Variants in FBXL13 observed in about 807,000 individuals in gnomAD.
FBXL13 encodes the protein F-box and leucine rich repeat protein 13, also known as F-box and leucine-rich repeat protein 13.
FBXL13 carries 67 observed loss-of-function variants against 83.6 expected under a neutral mutation model. The ratio of observed to expected loss-of-function variants is 0.80; its 90% CI spans 0.66 to 0.98. FBXL13 has a LOEUF of 0.98. Ranked by LOEUF, FBXL13 falls within the 50% of genes least tolerant of loss-of-function variation. The probability of loss-of-function intolerance (pLI) is 0.00; values close to 1 mark genes in which losing one functional copy is unlikely to be tolerated. For synonymous variants in FBXL13, 272 were observed against 299.5 expected (o/e 0.91, Z 0.95); for missense variants, 822 against 866.5 (o/e 0.95, Z 0.64).
chr7:102,842,480 A>G (rs1007431650), intron 17 of FBXL13, among the ~76,000 whole-genome samples: 1 of 152,262 alleles, frequency 6.6e-6, no homozygotes, highest in Non-Finnish European at 1.5e-5. Context: ...GGTGGAGTCT[A>G]TCAACTGATG....
chr7:102,825,379 C>T (rs1799447057), intron 18 of FBXL13, among the ~76,000 whole-genome samples: 1 of 152,202 alleles, frequency 6.6e-6, no homozygotes, highest in East Asian at 1.9e-4. Context: ...TTAACATGCT[C>T]ATCTCCCTTG....
intron 18 of FBXL13, among the ~76,000 whole-genome samples, chr7:102,828,882 G>A (rs1218998547): frequency 2.6e-5 from 4 of 152,148 alleles, no homozygotes; most frequent in Non-Finnish European, 5.9e-5. Context: ...CTTCTCAGAT[G>A]TACTTCACCT....
At chr7:102,998,456 G>T (rs1790040019) in intron 6 of FBXL13, among the ~76,000 whole-genome samples, 2 of 152,022 alleles carry the variant, frequency 1.3e-5, no homozygotes, top group African/African-American at 4.8e-5. Flanking sequence ...TCCTTCTAGT[G>T]ACCTTTCACT....
In FBXL13 at chr7:103,062,333, CTA is replaced by C. The variant is rs529956386; in HGVS notation, c.-104-6588_-104-6587del. 2.2e-3 allele frequency among the ~76,000 whole-genome samples: 342 copies of C among 152,234 alleles called. 2 individuals are homozygous for C. The highest frequency in any genetic ancestry group is 7.8e-3 in the African/African-American group (324 of 41,526). On this transcript the variant is annotated intron_variant, in intron 1 of 19. Coordinates refer to ENST00000313221, the Ensembl canonical transcript of FBXL13. The stretch of plus-strand genomic sequence containing the variant: ...AAAATTGAGGGAGAAACTAGGGTTT[CTA>C]TGTTATTTCTGGATGACCCACTGTC...
intron 8 of FBXL13, 59 bp downstream of exon 9, chr7:102,963,474 A>T (rs1825602075): frequency 1.3e-6 from 2 of 1,584,500 alleles, no homozygotes; most frequent in African/African-American, 1.4e-5. Context: ...GCTTTTCTGT[A>T]TATTTGTTTA....
intron 2 of FBXL13, among the ~76,000 whole-genome samples, chr7:103,038,222 G>T (rs1027614054): frequency 6.6e-6 from 1 of 152,120 alleles, no homozygotes; most frequent in African/African-American, 2.4e-5. Flanking sequence ...GTCTGAGATC[G>T]ACCTGCGACA....
intron 6 of FBXL13, chr7:102,988,099 G>C (rs1217837963): frequency 2.6e-5 from 4 of 152,184 alleles, no homozygotes; most frequent in Non-Finnish European, 1.5e-5. Flanking sequence ...CATGATACAA[G>C]AAGGCAATGG....
intron 10 of FBXL13, among the ~76,000 whole-genome samples, chr7:102,916,567 G>C (rs1377641443): frequency 6.6e-6 from 1 of 152,154 alleles, no homozygotes; most frequent in Non-Finnish European, 1.5e-5. Context: ...AGCTGCTAGG[G>C]ACGGGAAAAG....
intron 2 of FBXL13, among the ~76,000 whole-genome samples, chr7:103,054,582 C>T (rs1797154289): frequency 6.6e-6 from 1 of 152,098 alleles, no homozygotes; most frequent in Non-Finnish European, 1.5e-5. Flanking sequence ...CTGCTGGTAC[C>T]AGTTTTCAGT....
intron 16 of FBXL13, among the ~76,000 whole-genome samples, chr7:102,877,171 T>C (rs1330842973): frequency 2.0e-5 from 3 of 152,200 alleles, no homozygotes; most frequent in African/African-American, 4.8e-5. Context: ...ACATATATTA[T>C]CTCCATACTG....
In FBXL13 at chr7:102,942,894, A is replaced by G. The variant is rs535994509; in HGVS notation, c.725-10961T>C. The stretch of plus-strand genomic sequence containing the variant: ...AGATAATGTTTGAAATAGAAACAAA[A>G]TATTTGTGAGTATTTCTGGAGTATC... On this transcript the variant is annotated intron_variant, in intron 8 of 19. Transcript: ENST00000313221. Among the ~76,000 whole-genome samples the G allele has an allele frequency of 2.0e-4, 30 of 152,340 alleles. No homozygotes were observed. The East Asian group carries it at 3.9e-3, about 20-fold the overall frequency.
At chr7:103,064,910 C>G (rs1340129686) in intron 1 of FBXL13, among the ~76,000 whole-genome samples, 1 of 152,130 alleles carries the variant, frequency 6.6e-6, no homozygotes, top group Non-Finnish European at 1.5e-5. Flanking sequence ...GGCTGAACTC[C>G]CAGCCAACAG....
At chr7:102,893,866 G>A (rs531565931) in intron 11 of FBXL13, among the ~76,000 whole-genome samples, 24 of 148,270 alleles carry the variant, frequency 1.6e-4, no homozygotes, top group Admixed American at 6.1e-4. Flanking sequence ...GAAGAGAGGC[G>A]GAGAGGAAGA....
intron 18 of FBXL13, among the ~76,000 whole-genome samples, chr7:102,832,013 A>G (rs543140525): frequency 2.6e-5 from 4 of 152,358 alleles, no homozygotes; most frequent in Non-Finnish European, 4.4e-5. Context: ...TATTTTAAAA[A>G]ACAAGGCAAA....
At chr7:103,009,007 T>G (rs938459801) in intron 6 of FBXL13, among the ~76,000 whole-genome samples, 12 of 152,006 alleles carry the variant, frequency 7.9e-5, no homozygotes, top group Non-Finnish European at 1.8e-4. Flanking sequence ...GGCATAACAT[T>G]ATTTGAAGAC....
At chr7:102,880,002 G>A (rs887081472) in intron 14 of FBXL13, among the ~76,000 whole-genome samples, 1 of 152,192 alleles carries the variant, frequency 6.6e-6, no homozygotes, top group Non-Finnish European at 1.5e-5. Context: ...CACCACGCCC[G>A]ACGGGCATCT....
At chr7:102,961,211 AT>A (rs1417707437) in intron 8 of FBXL13, among the ~76,000 whole-genome samples, 5 of 148,940 alleles carry the variant, frequency 3.4e-5, no homozygotes, top group Non-Finnish European at 6.0e-5. Flanking sequence ...AGAGAGCCAA[AT>A]CATGAGTGAA....
chr7:103,002,537 A>G (rs1790510936), intron 6 of FBXL13, among the ~76,000 whole-genome samples: 1 of 152,148 alleles, frequency 6.6e-6, no homozygotes, highest in Non-Finnish European at 1.5e-5. Flanking sequence ...TTTGCACATT[A>G]GTGTACTTTT....
rs571741625 is a variant in FBXL13, at chr7:102,996,169, T to G, written c.496-28052A>C. 5.9e-5 allele frequency among the ~76,000 whole-genome samples: 9 copies of G among 152,298 alleles called. No homozygotes were observed. The South Asian group carries it at 1.9e-3, about 32-fold the overall frequency. On this transcript the variant is annotated intron_variant, in intron 6 of 19. Coordinates refer to ENST00000313221, the Ensembl canonical transcript of FBXL13. Reference sequence around the variant, plus strand: ...TCAATATATTGTCAAACTAAAAGATTGCTGTTGAGAAAATATGTAAGTTCA... The same window carrying G: ...TCAATATATTGTCAAACTAAAAGATGGCTGTTGAGAAAATATGTAAGTTCA...
Sources: allele counts gnomAD v4.1 joint callset (sites outside exome capture counted in the v4.1 genomes callset), GRCh38; gene constraint gnomAD v4.1.1; transcripts MANE v1.5; gene names NCBI Gene and HGNC (gene_info 2026-07-23, HGNC 2026-07-21).